NENF: variants seen among roughly 807,000 people sequenced by gnomAD.
NENF encodes the protein neudesin neurotrophic factor, also known as neudesin.
Under a neutral mutation model 14.8 loss-of-function variants are expected in NENF, and 6 were observed. The observed-to-expected ratio is 0.40, with a 90% CI of 0.22 to 0.80. NENF has a LOEUF of 0.80. Among genes scored for constraint, NENF ranks in the 30% least tolerant of loss-of-function variants. The probability of loss-of-function intolerance (pLI) is 0.34; values close to 1 mark genes in which losing one functional copy is unlikely to be tolerated. For synonymous variants in NENF, 76 were observed against 95.1 expected, an observed-to-expected ratio of 0.80 and a Z score of 1.17; for missense variants, 184 against 212.7, an observed-to-expected ratio of 0.87 and a Z score of 0.84.
rs532594438 is a variant in NENF at position 212,439,994 on chromosome 1, G to A, written c.178-2571G>A. ...CGGCTGGGCATGGTGGCTTATGCCT[G>A]TAATCCCAGCCCTTTGGGAGGCCGA... On this transcript the variant is annotated intron_variant, in intron 1 of 3. Transcript: ENST00000366988. Among the ~76,000 whole-genome samples the A allele has an allele frequency of 5.9e-5, 9 of 152,150 alleles. No individual in the cohort carries two copies. The South Asian group carries it at 1.2e-3, about 21-fold the overall frequency.
intron 1 of NENF, among the ~76,000 whole-genome samples, chr1:212,435,429 G>A (rs1314631428): frequency 6.6e-6 from 1 of 151,946 alleles, no homozygotes; most frequent in Admixed American, 6.6e-5. Context: ...GTGCACTAGA[G>A]CCTGGCAATC....
rs368019136 is a variant in NENF at position 212,444,438 on chromosome 1, A to G, written c.338A>G (p.Asp113Gly). The G allele has an allele frequency of 8.8e-6, 14 of 1,595,546 alleles. No homozygotes were observed. In the African/African-American group the frequency reaches 1.4e-4, roughly 15 times the overall value. The change falls in exon 3 of 4, where the codon GAC (aspartate) becomes GGC (glycine). Residue 113 changes from aspartate to glycine, a missense_variant. Coordinates refer to ENST00000366988, the MANE Select transcript of NENF (RefSeq NM_013349.5). ...MSLDPADLTH[D>G]TTGLTAKELE... The stretch of plus-strand genomic sequence containing the variant: ...TTGGATCCTGCAGACCTCACCCATG[A>G]CACTGTGAGCCAGATTATAAGCCTT...
rs553697907 is a variant in NENF at position 212,440,450 on chromosome 1, A to C, written c.178-2115A>C. On this transcript the variant is annotated intron_variant, in intron 1 of 3. Transcript: ENST00000366988. Reference sequence around the variant, plus strand: ...GGAAAGGCGGTAAATCATCACAAAGAAAAATGCCGTCTGCTGGCTTGGAAA... The same window carrying C: ...GGAAAGGCGGTAAATCATCACAAAGCAAAATGCCGTCTGCTGGCTTGGAAA... 6.6e-5 allele frequency among the ~76,000 whole-genome samples: 10 copies of C among 152,276 alleles called. No individual in the cohort carries two copies. In the South Asian group the frequency reaches 2.1e-3, roughly 32 times the overall value.
At chr1:212,434,625 C>T (rs1662575764) in intron 1 of NENF, 1 of 152,222 alleles carries the variant, frequency 6.6e-6, no homozygotes, top group Admixed American at 6.5e-5. Context: ...CACATAGATT[C>T]CCCTAGATTC....
rs748673537 is a variant in NENF, at chr1:212,444,452, AT to A, written c.342+12del. The A allele has an allele frequency of 1.3e-6, 2 of 1,567,134 alleles. No individual in the cohort carries two copies. Among genetic ancestry groups the A allele is most frequent in the Admixed American group, 3.9e-5 (2 of 51,690 alleles). On this transcript the variant is annotated intron_variant, in intron 3 of 3. Transcript: ENST00000366988. ...CCTCACCCATGACACTGTGAGCCAG[AT>A]TATAAGCCTTTGTAAAATCCTCTAC...
intron 1 of NENF, among the ~76,000 whole-genome samples, chr1:212,439,792 A>G (rs138839583): frequency 0.037 from 5,490 of 149,786 alleles, 195 homozygotes; most frequent in East Asian, 0.13. Context: ...CCTGGGAGGC[A>G]GAGGTTGCAG....
chr1:212,441,404 A>G (rs553309078), intron 1 of NENF, among the ~76,000 whole-genome samples: 2 of 152,334 alleles, frequency 1.3e-5, no homozygotes, highest in East Asian at 3.9e-4. Context: ...TAATGCTGCC[A>G]TTTATAGTTC....
At chr1:212,438,751 G>T (rs1000093816) in intron 1 of NENF, among the ~76,000 whole-genome samples, 1 of 151,852 alleles carries the variant, frequency 6.6e-6, no homozygotes, top group East Asian at 1.9e-4. Context: ...CCAGTAGCTG[G>T]GATTACAGGC....
At chr1:212,439,863 C>A (rs11578276) in intron 1 of NENF, among the ~76,000 whole-genome samples, 5,507 of 150,910 alleles carry the variant, frequency 0.036, 195 homozygotes, top group East Asian at 0.13. Context: ...CCGTCCCCCC[C>A]CCACAAAAAA....
At chr1:212,438,989 C>T (rs536884380) in intron 1 of NENF, among the ~76,000 whole-genome samples, 51 of 152,116 alleles carry the variant, frequency 3.4e-4, no homozygotes, top group African/African-American at 1.0e-3. Flanking sequence ...TGTCATTTCC[C>T]AGGCCTGAGA....
intron 2 of NENF, 32 bp downstream of exon 2, chr1:212,442,657 C>T: frequency 6.4e-7 from 1 of 1,561,678 alleles, no homozygotes; most frequent in Non-Finnish European, 8.8e-7. Context: ...ATCTTCATTT[C>T]CAGGGAGCAC....
rs936527770 is a variant in NENF, at chr1:212,433,456, C to G, written c.177+336C>G. On this transcript the variant is annotated intron_variant, in intron 1 of 3. Transcript: ENST00000366988. This position sits in a 1 kb window ranked among gnomAD's most constrained non-coding sequence, Gnocchi z 5.5. ...TTTTTGGTTTTCATGTTAGCATCAG[C>G]CGAGGCGTTTACTGTGCCCACGCAT... 6.6e-6 allele frequency among the ~76,000 whole-genome samples: 1 copy of G among 152,052 alleles called. No homozygotes were observed. Among genetic ancestry groups the G allele is most frequent in the African/African-American group, 2.4e-5 (1 of 41,434 alleles).
intron 2 of NENF, 47 bp from the exon 3 acceptor site, chr1:212,444,292 C>A: frequency 7.4e-7 from 1 of 1,353,152 alleles, no homozygotes; most frequent in Non-Finnish European, 1.0e-6. Context: ...CCTGGTTACT[C>A]TGCATGTAAA....
chr1:212,443,667 G>C (rs1294432937), intron 2 of NENF, among the ~76,000 whole-genome samples: 2 of 152,054 alleles, frequency 1.3e-5, no homozygotes, highest in Non-Finnish European at 2.9e-5. Context: ...TGGGATTACA[G>C]GCGTGAGTCA....
chr1:212,441,015 C>A (rs539166733), intron 1 of NENF, among the ~76,000 whole-genome samples: 1 of 152,122 alleles, frequency 6.6e-6, no homozygotes, highest in Non-Finnish European at 1.5e-5. Flanking sequence ...CTGTACCCAT[C>A]GTCCCAGCCT....
intron 3 of NENF, 124 bp from the exon 4 acceptor site, chr1:212,445,706 T>G: frequency 2.6e-6 from 2 of 761,224 alleles, no homozygotes; most frequent in Non-Finnish European, 4.0e-6. Flanking sequence ...ATTATTTGGT[T>G]TGTTGAGATA....
At chr1:212,445,005 A>G (rs1340294898) in intron 3 of NENF, among the ~76,000 whole-genome samples, 1 of 152,206 alleles carries the variant, frequency 6.6e-6, no homozygotes, top group African/African-American at 2.4e-5. Context: ...CTGTAATCCC[A>G]GCACTTTGGA....
chr1:212,440,398 A>G (rs1662682823), intron 1 of NENF, among the ~76,000 whole-genome samples: 1 of 151,526 alleles, frequency 6.6e-6, no homozygotes, highest in African/African-American at 2.4e-5. Flanking sequence ...AAATAATCAA[A>G]GCTGAGGAAT....
At chr1:212,440,203 T>G (rs479807) in intron 1 of NENF, among the ~76,000 whole-genome samples, 60,867 of 144,170 alleles carry the variant, frequency 0.42, 13,262 homozygotes, top group East Asian at 0.67. Context: ...AGTGAGCCGA[T>G]ATTGTACCAC....
Sources: gnomAD v4.1 joint callset for allele counts (sites outside exome capture counted in the v4.1 genomes callset) on GRCh38, gnomAD v4.1.1 for gene constraint, Gnocchi (gnomAD v3.1) non-coding constraint, MANE v1.5 for transcripts, NCBI Gene and HGNC (gene_info 2026-07-23, HGNC 2026-07-21) for gene names.